The following HMCN1 variants were observed in gnomAD, a reference collection of about 807,000 sequenced individuals.
HMCN1 encodes the protein hemicentin 1, also known as hemicentin-1.
A neutral mutation model predicts 625.9 loss-of-function variants in HMCN1; 321 were observed. The observed-to-expected ratio is 0.51, with a 90% CI of 0.47 to 0.56. The LOEUF is 0.56. Among genes scored for constraint, HMCN1 ranks in the 20% least tolerant of loss-of-function variants. The probability of loss-of-function intolerance (pLI) is 0.00; values close to 1 mark genes in which losing one functional copy is unlikely to be tolerated. For missense variants in HMCN1, 6,588 were observed against 6,887.3 expected (o/e 0.96, Z 1.54); for synonymous variants, 2,425 against 2,417.6 (o/e 1.00, Z -0.09).
chr1:185,777,214 T>C (rs973279569), intron 1 of HMCN1, among the ~76,000 whole-genome samples: 1 of 152,186 alleles, frequency 6.6e-6, no homozygotes, highest in Non-Finnish European at 1.5e-5. Context: ...ATGAAGAGTG[T>C]AGATGGAAAT....
chr1:185,937,990 CA>C (rs1242348866), intron 11 of HMCN1, among the ~76,000 whole-genome samples: 1 of 150,260 alleles, frequency 6.7e-6, no homozygotes, highest in Non-Finnish European at 1.5e-5. Context: ...TATTTTAGTG[CA>C]AATATGTAAT....
intron 36 of HMCN1, among the ~76,000 whole-genome samples, chr1:186,024,696 T>C (rs1654947481): frequency 6.6e-6 from 1 of 152,136 alleles, no homozygotes; most frequent in South Asian, 2.1e-4. Flanking sequence ...GTATAAAACA[T>C]CTCCCACTTC....
intron 6 of HMCN1, among the ~76,000 whole-genome samples, chr1:185,914,141 A>G (rs1204541286): frequency 6.6e-6 from 1 of 152,174 alleles, no homozygotes; most frequent in Non-Finnish European, 1.5e-5. Context: ...AAACTTAAAA[A>G]TAACAAACTT....
chr1:186,144,741 A>G (rs1650206791), intron 91 of HMCN1, 38 bp downstream of exon 91: 1 of 1,607,080 alleles, frequency 6.2e-7, no homozygotes, highest in Admixed American at 1.7e-5. Context: ...TTATACTTTC[A>G]TAAAGTTTCA....
intron 11 of HMCN1, among the ~76,000 whole-genome samples, chr1:185,949,635 G>T (rs565100138): frequency 6.6e-6 from 1 of 152,000 alleles, no homozygotes; most frequent in African/African-American, 2.4e-5. Flanking sequence ...TTATCAGACT[G>T]TATTGAGGTG....
chr1:186,152,864 C>T lies in HMCN1; in HGVS notation c.15011C>T (p.Thr5004Ile), dbSNP rs114629728. The change falls in exon 96 of 107, where the codon ACT becomes ATT. Residue 5004 changes from threonine to isoleucine, a missense_variant. Physicochemically the swap from Thr to Ile is moderately conservative, Grantham distance 89. Coordinates refer to ENST00000271588, the MANE Select transcript of HMCN1 (RefSeq NM_031935.3). ...VLQLQSPAEV[T>I]VKDYTEDYIQ... ...CAGCTTCAGTCACCTGCTGAAGTCA[C>T]TGTAAAGGTAAAATGCCAGGATAAC... 9,757 of 1,613,778 alleles carry T rather than the reference C, an allele frequency of 6.0e-3. 35 individuals carry two copies. Among genetic ancestry groups the T allele is most frequent in the Non-Finnish European group, 7.2e-3 (8,503 of 1,179,750 alleles).
chr1:186,159,828 T>C (rs1304199851), intron 97 of HMCN1, among the ~76,000 whole-genome samples: 1 of 152,222 alleles, frequency 6.6e-6, no homozygotes, highest in Non-Finnish European at 1.5e-5. Context: ...TTTGCCAGTA[T>C]TTTATTGAGG....
At position 186,144,134 on chromosome 1, in the gene HMCN1, G is replaced by A. The variant is rs372122246; in HGVS notation, c.13925-39G>A. On this transcript the variant is annotated intron_variant, in intron 89 of 106. Transcript: ENST00000271588. ...TATAATTTTGGTTTTAAACAAACAC[G>A]GTTCTGTGACTTGCAACTGTCTTTT... is the stretch of plus-strand genomic sequence containing the variant. 35 of 1,542,418 alleles carry A rather than the reference G, an allele frequency of 2.3e-5. No individual in the cohort carries two copies. The African/African-American group carries it at 2.9e-4, about 13-fold the overall frequency.
At chr1:186,032,001 T>C (rs1655480077) in intron 36 of HMCN1, among the ~76,000 whole-genome samples, 1 of 151,896 alleles carries the variant, frequency 6.6e-6, no homozygotes, top group Admixed American at 6.6e-5. Flanking sequence ...TTTGTTGATG[T>C]TCAAGTTCCC....
intron 97 of HMCN1, among the ~76,000 whole-genome samples, chr1:186,159,114 T>C (rs531553017): frequency 2.0e-5 from 3 of 151,764 alleles, no homozygotes; most frequent in Admixed American, 1.3e-4. Flanking sequence ...CATTGAGCAG[T>C]GGTTTGTAGT....
chr1:185,968,480 T>TGATATA (rs1553266887), intron 14 of HMCN1, among the ~76,000 whole-genome samples: 3,884 of 149,314 alleles, frequency 0.026, 152 homozygotes, highest in African/African-American at 0.09. Flanking sequence ...ATTTCTAAAA[T>TGATATA]TATATATATA....
Position 185,780,464 on chromosome 1 carries a change from G to T in HMCN1, c.268+45417G>T, listed in dbSNP as rs564284976. Among the ~76,000 whole-genome samples the T allele has an allele frequency of 2.2e-4, 33 of 152,260 alleles. No homozygotes were observed. In the East Asian group the frequency reaches 6.2e-3, roughly 28 times the overall value. Reference sequence around the variant, plus strand: ...AATGCTTCCAGTTTTTGCCCATTCAGTATGATATTGGCTGTGGGTTTGTCA... The same window carrying T: ...AATGCTTCCAGTTTTTGCCCATTCATTATGATATTGGCTGTGGGTTTGTCA... On this transcript the variant is annotated intron_variant, in intron 1 of 106. Coordinates refer to ENST00000271588, the MANE Select transcript of HMCN1 (RefSeq NM_031935.3).
chr1:186,105,828 G>T (rs562024285), intron 69 of HMCN1, among the ~76,000 whole-genome samples: 13 of 152,202 alleles, frequency 8.5e-5, no homozygotes, highest in Non-Finnish European at 1.6e-4. Context: ...CCAGACAAGT[G>T]AGGGGGATGA....
At chr1:185,773,917 A>G (rs1167241906) in intron 1 of HMCN1, among the ~76,000 whole-genome samples, 13 of 152,274 alleles carry the variant, frequency 8.5e-5, no homozygotes, top group African/African-American at 3.1e-4. Context: ...ATGCAATACA[A>G]TTTTACAATA....
At chr1:186,153,621 A>G (rs1300524145) in intron 96 of HMCN1, 129 bp from the exon 97 acceptor site, 1 of 779,960 alleles carries the variant, frequency 1.3e-6, no homozygotes, top group African/African-American at 1.7e-5. Flanking sequence ...AATGTTTACC[A>G]TCATGCATGA....
chr1:186,078,729 G>A (rs1019518473), intron 55 of HMCN1, among the ~76,000 whole-genome samples: 1 of 152,194 alleles, frequency 6.6e-6, no homozygotes, highest in Admixed American at 6.5e-5. Flanking sequence ...TTGGCCAAGT[G>A]TGAATCACGT....
chr1:186,065,493 T>C, intron 49 of HMCN1, 64 bp downstream of exon 49: 1 of 1,249,026 alleles, frequency 8.0e-7, no homozygotes, highest in Admixed American at 2.7e-5. Flanking sequence ...AATTTTCTTT[T>C]CTTTTTCTGT....
intron 69 of HMCN1, among the ~76,000 whole-genome samples, chr1:186,105,150 C>T (rs1446691255): frequency 1.3e-5 from 2 of 152,072 alleles, no homozygotes; most frequent in African/African-American, 2.4e-5. Flanking sequence ...AGATATGTGA[C>T]ATGTGTCAGC....
chr1:185,795,654 G>T (rs779690401), intron 1 of HMCN1, among the ~76,000 whole-genome samples: 1 of 152,206 alleles, frequency 6.6e-6, no homozygotes, highest in African/African-American at 2.4e-5. Flanking sequence ...AGAGGAGCAC[G>T]TCTAGAATAT....
Sources: gnomAD v4.1 joint callset for allele counts (sites outside exome capture counted in the v4.1 genomes callset) on GRCh38, gnomAD v4.1.1 for gene constraint, MANE v1.5 for transcripts, NCBI Gene and HGNC (gene_info 2026-07-23, HGNC 2026-07-21) for gene names.